The following SLC35F3 variants were observed in gnomAD, a reference collection of about 807,000 sequenced individuals.
SLC35F3 encodes solute carrier family 35 member F3.
A neutral mutation model predicts 49.9 loss-of-function variants in SLC35F3; 25 were observed. The observed-to-expected ratio is 0.50, with a 90% CI of 0.37 to 0.70. SLC35F3 has a LOEUF of 0.70. Among genes scored for constraint, SLC35F3 ranks in the 30% least tolerant of loss-of-function variants. The pLI is 0.00. For missense variants in SLC35F3, 525 were observed against 639.8 expected (o/e 0.82, Z 1.94); for synonymous variants, 275 against 265.4 (o/e 1.04, Z -0.35).
At chr1:233,923,748 A>G (rs1041639291) in intron 2 of SLC35F3, among the ~76,000 whole-genome samples, 1 of 152,174 alleles carries the variant, frequency 6.6e-6, no homozygotes, top group Non-Finnish European at 1.5e-5. Flanking sequence ...GAATGCTTCC[A>G]GTTTTTGCCC....
intron 3 of SLC35F3, among the ~76,000 whole-genome samples, chr1:234,290,975 GCCA>G (rs1668497823): frequency 6.6e-6 from 1 of 152,088 alleles, no homozygotes; most frequent in Non-Finnish European, 1.5e-5. Context: ...GTAAGGAGAG[GCCA>G]CCAATAGATA....
At chr1:233,969,643 A>G (rs1037139700) in intron 2 of SLC35F3, among the ~76,000 whole-genome samples, 8 of 152,236 alleles carry the variant, frequency 5.3e-5, no homozygotes, top group Admixed American at 1.3e-4. Context: ...ACTGCAGCAC[A>G]GGGCATTGGG....
chr1:234,223,518 C>T (rs1276479854), intron 2 of SLC35F3, among the ~76,000 whole-genome samples: 2 of 152,234 alleles, frequency 1.3e-5, no homozygotes, highest in Admixed American at 6.5e-5. Flanking sequence ...CCTAGCTCTA[C>T]ACACTGCCTC....
At chr1:234,054,762 C>T (rs1664429952) in intron 2 of SLC35F3, among the ~76,000 whole-genome samples, 1 of 152,122 alleles carries the variant, frequency 6.6e-6, no homozygotes, top group African/African-American at 2.4e-5. Flanking sequence ...TGGTTTCTCC[C>T]CATCTTTGTG....
chr1:234,020,922 A>G (rs983518991), intron 2 of SLC35F3, among the ~76,000 whole-genome samples: 4 of 152,250 alleles, frequency 2.6e-5, no homozygotes, highest in African/African-American at 9.6e-5. Flanking sequence ...TTCAATTGCT[A>G]CTTTGAGATG....
chr1:233,964,125 G>A (rs1237291279), intron 2 of SLC35F3, among the ~76,000 whole-genome samples: 1 of 152,202 alleles, frequency 6.6e-6, no homozygotes, highest in African/African-American at 2.4e-5. Flanking sequence ...CTTTACGTCT[G>A]GCAGGCCAGG....
intron 2 of SLC35F3, among the ~76,000 whole-genome samples, chr1:234,085,727 A>T (rs1664950683): frequency 6.6e-6 from 1 of 152,192 alleles, no homozygotes; most frequent in Non-Finnish European, 1.5e-5. Context: ...CTCAGTGCTT[A>T]TATTACTAGT....
At chr1:234,252,995 T>C (rs1245528161) in intron 3 of SLC35F3, among the ~76,000 whole-genome samples, 2 of 152,172 alleles carry the variant, frequency 1.3e-5, no homozygotes, top group Non-Finnish European at 2.9e-5. Flanking sequence ...AATCAGGAAC[T>C]GGCTAAAGAG....
chr1:234,231,596 C>A lies in SLC35F3; in HGVS notation c.463C>A (p.Leu155Ile). Residue 155 changes from leucine (L) to isoleucine (I), a missense_variant, in exon 3 of 8, where the codon CTC (leucine) becomes ATC (isoleucine). Coordinates refer to ENST00000366618, the MANE Select transcript of SLC35F3 (RefSeq NM_173508.4). This position sits in a 1 kb window ranked among gnomAD's most constrained non-coding sequence, Gnocchi z 5.4. ...VCSSWAGSTQ[L>I]AKLTFRKFDA... ...CTCCTCGTGGGCGGGCTCCACGCAG[C>A]TCGCCAAGCTGACCTTCAGGAAGTT... 1 of 1,614,216 alleles carries A rather than the reference C, an allele frequency of 6.2e-7. No individual in the cohort carries two copies. Among genetic ancestry groups the A allele is most frequent in the Non-Finnish European group, 8.5e-7 (1 of 1,180,022 alleles).
At chr1:233,950,273 C>G (rs1203516331) in intron 2 of SLC35F3, among the ~76,000 whole-genome samples, 1 of 150,050 alleles carries the variant, frequency 6.7e-6, no homozygotes, top group East Asian at 2.0e-4. Flanking sequence ...GTAGTCCCAG[C>G]TACTCGGGAG....
chr1:234,309,411 T>A, intron 4 of SLC35F3, 91 bp downstream of exon 4: 1 of 1,120,738 alleles, frequency 8.9e-7, no homozygotes, highest in Non-Finnish European at 1.3e-6. Context: ...TGCTGGACCA[T>A]GAGCATAAGC....
intron 2 of SLC35F3, among the ~76,000 whole-genome samples, chr1:234,095,049 C>T (rs1665097766): frequency 6.6e-6 from 1 of 152,196 alleles, no homozygotes; most frequent in South Asian, 2.1e-4. Flanking sequence ...GATCAGTTGA[C>T]TCAACCTTTA....
intron 3 of SLC35F3, among the ~76,000 whole-genome samples, chr1:234,308,434 T>A (rs1287170352): frequency 6.6e-6 from 1 of 152,188 alleles, no homozygotes; most frequent in East Asian, 1.9e-4. Flanking sequence ...TAAACTTTCT[T>A]AAAACATTAT....
At chr1:234,169,917 A>G (rs1039020085) in intron 2 of SLC35F3, among the ~76,000 whole-genome samples, 4 of 152,230 alleles carry the variant, frequency 2.6e-5, no homozygotes, top group Non-Finnish European at 5.9e-5. Flanking sequence ...ACAGGCACCC[A>G]CCACCATGCC....
intron 2 of SLC35F3, among the ~76,000 whole-genome samples, chr1:233,999,522 C>T (rs958781029): frequency 2.0e-4 from 30 of 152,130 alleles, no homozygotes; most frequent in African/African-American, 7.0e-4. Context: ...TCTGCTTTGC[C>T]GGACTGTTTG....
At chr1:234,195,903 T>C (rs567710717) in intron 2 of SLC35F3, among the ~76,000 whole-genome samples, 2 of 152,332 alleles carry the variant, frequency 1.3e-5, no homozygotes, top group African/African-American at 4.8e-5. Context: ...CTCTCTTGTC[T>C]GCCACCATGT....
At chr1:234,307,770 T>G (rs1657235990) in intron 3 of SLC35F3, among the ~76,000 whole-genome samples, 1 of 152,222 alleles carries the variant, frequency 6.6e-6, no homozygotes, top group South Asian at 2.1e-4. Context: ...TGCAGCACCA[T>G]GTCCATGAGC....
At chr1:234,267,533 C>A (rs1280424326) in intron 3 of SLC35F3, among the ~76,000 whole-genome samples, 1 of 148,518 alleles carries the variant, frequency 6.7e-6, no homozygotes, top group African/African-American at 2.5e-5. Flanking sequence ...CCCTCCCGGA[C>A]GGGGCGGCTG....
At chr1:234,210,512 G>A (rs1289285557) in intron 2 of SLC35F3, among the ~76,000 whole-genome samples, 2 of 152,228 alleles carry the variant, frequency 1.3e-5, no homozygotes, top group African/African-American at 4.8e-5. Context: ...AAAAGTCCAA[G>A]CTGAGGTGGT....
Sources: allele counts gnomAD v4.1 joint callset (sites outside exome capture counted in the v4.1 genomes callset), GRCh38; gene constraint gnomAD v4.1.1; non-coding constraint Gnocchi (gnomAD v3.1); transcripts MANE v1.5; gene names NCBI Gene and HGNC (gene_info 2026-07-23, HGNC 2026-07-21).